Variants in MGST2 observed in about 807,000 individuals in gnomAD.
The protein encoded by MGST2 is microsomal glutathione S-transferase 2.
A neutral mutation model predicts 16.6 loss-of-function variants in MGST2; 9 were observed. The observed-to-expected ratio is 0.54, with a 90% CI of 0.33 to 0.95. MGST2 has a LOEUF of 0.95. MGST2 is among the 40% of genes least tolerant of loss of function. The probability of loss-of-function intolerance (pLI) is 0.03; values close to 1 mark genes in which losing one functional copy is unlikely to be tolerated. For missense variants in MGST2, 159 were observed against 175.1 expected (o/e 0.91, Z 0.52); for synonymous variants, 79 against 68.0 (o/e 1.16, Z -0.79).
intron 5 of MGST2, chr4:139,740,158 C>T (rs1377274927): frequency 2.0e-5 from 3 of 152,266 alleles, no homozygotes; most frequent in Admixed American, 2.0e-4. Flanking sequence ...TCTACCTGGA[C>T]AAGCCTGCTC....
intron 5 of MGST2, among the ~76,000 whole-genome samples, chr4:139,733,654 G>C (rs1403997838): frequency 6.6e-6 from 1 of 151,436 alleles, no homozygotes; most frequent in Non-Finnish European, 1.5e-5. Context: ...TCTCACTGAA[G>C]ACCTACAGGC....
rs70943436 is a variant in MGST2, at chr4:139,702,844, G to GTTTTTTTTTTTTTTTTTTT, written c.230-603_230-585dup. 9.3e-4 allele frequency among the ~76,000 whole-genome samples: 43 copies of GTTTTTTTTTTTTTTTTTTT among 46,450 alleles called. 2 individuals are homozygous for GTTTTTTTTTTTTTTTTTTT. The highest frequency in any genetic ancestry group is 1.4e-3 in the South Asian group (1 of 690). 30.5% of individuals were successfully genotyped at this position (46,450 alleles called of 152,430 possible). The stretch of plus-strand genomic sequence containing the variant: ...TCCTCACCAACATTTTGTGTTACTG[G>GTTTTTTTTTTTTTTTTTTT]TTTTTTTTTTTTTTTTTTTTTTTTT... On this transcript the variant is annotated intron_variant, in intron 3 of 4. Transcript: ENST00000265498.
At chr4:139,741,780 G>T (rs998236629), downstream of MGST2, among the ~76,000 whole-genome samples, 9 of 152,128 alleles carry the variant, frequency 5.9e-5, no homozygotes, top group African/African-American at 2.2e-4. Context: ...AGATCGGGCT[G>T]CTCTAAGTCC....
chr4:139,736,517 A>G (rs1472401401), intron 5 of MGST2, among the ~76,000 whole-genome samples: 1 of 151,888 alleles, frequency 6.6e-6, no homozygotes, highest in Non-Finnish European at 1.5e-5. Context: ...AACCATACTC[A>G]TAAGACTCCT....
At chr4:139,669,019 GC>G (rs1301087697) in intron 1 of MGST2, among the ~76,000 whole-genome samples, 1 of 152,130 alleles carries the variant, frequency 6.6e-6, no homozygotes, top group Non-Finnish European at 1.5e-5. Flanking sequence ...ATGGCAGGGG[GC>G]TTACAAAATG....
chr4:139,698,303 G>A lies in MGST2; in HGVS notation c.229+3036G>A. On this transcript the variant is annotated intron_variant, in intron 3 of 4. Coordinates refer to ENST00000265498, the MANE Select transcript of MGST2 (RefSeq NM_002413.5). ...AAGCACCGATAGCTGCGCTCTGGAA[G>A]CGCAGATCTGTTTTAAAGTCCTGAG... The A allele has an allele frequency of 2.2e-6, 3 of 1,368,752 alleles. No homozygotes were observed. In the South Asian group the frequency reaches 3.6e-5, roughly 16 times the overall value. The allele number at this position is 1,368,752 out of a possible 1,614,324, so 84.8% of individuals were successfully genotyped here. A position where few individuals can be genotyped will look rare whatever the true frequency, so the allele number is the denominator to read the frequency against.
intron 2 of MGST2, among the ~76,000 whole-genome samples, chr4:139,679,996 C>A (rs1348696288): frequency 6.6e-6 from 1 of 152,192 alleles, no homozygotes; most frequent in African/African-American, 2.4e-5. Flanking sequence ...CCTACCTCCC[C>A]TCTCCCTCTA....
chr4:139,715,775 T>G lies in MGST2; in HGVS notation c.*48+11579T>G, dbSNP rs1237287625. On this transcript the variant is annotated intron_variant, in intron 5 of 5. Coordinates refer to the MGST2 transcript ENST00000616265. The surrounding 1 kb of genome is among the most constrained non-coding windows in gnomAD (Gnocchi z 4.4). ...CCAGAGGTCACCCTCGTCGCTATTT[T>G]GGTTTTGGTGGGCTTTGGCTGGCTC... Among the ~76,000 whole-genome samples, 1 of 152,318 alleles carries G rather than the reference T, an allele frequency of 6.6e-6. No homozygotes were observed. The highest frequency in any genetic ancestry group is 2.4e-5 in the African/African-American group (1 of 41,574).
chr4:139,692,168 G>T (rs927392578), intron 2 of MGST2, among the ~76,000 whole-genome samples: 6 of 152,198 alleles, frequency 3.9e-5, no homozygotes, highest in Admixed American at 2.0e-4. Context: ...ACTTGTAGGG[G>T]ACAAAGGGCC....
chr4:139,691,855 C>T (rs140995373), intron 2 of MGST2, among the ~76,000 whole-genome samples: 8 of 152,102 alleles, frequency 5.3e-5, no homozygotes, highest in Admixed American at 2.6e-4. Flanking sequence ...CCCGCCACCA[C>T]GCCCGGCTAA....
At position 139,678,594 on chromosome 4, in the gene MGST2, C is replaced by T; in HGVS notation, c.110C>T (p.Pro37Leu). ...GCAAGATTAAAATACAAAGTTACGCCCCCAGCAGTCACTGGGTCACCAGAG... is the reference window on the plus strand; with the variant it reads ...GCAAGATTAAAATACAAAGTTACGCTCCCAGCAGTCACTGGGTCACCAGAG... ...GKARLKYKVTPPAVTGSPEFE... is the reference protein window; with the variant it reads ...GKARLKYKVTLPAVTGSPEFE... Residue 37 changes from proline (P) to leucine (L), a missense_variant, in exon 2 of 5, where the codon CCC becomes CTC. Physicochemically the swap from Pro to Leu is moderately conservative, Grantham distance 98 (BLOSUM62 -3). Coordinates refer to ENST00000265498, the MANE Select transcript of MGST2 (RefSeq NM_002413.5). The T allele has an allele frequency of 1.2e-6, 2 of 1,614,088 alleles. No homozygotes were observed. Among genetic ancestry groups the T allele is most frequent in the Non-Finnish European group, 1.7e-6 (2 of 1,179,980 alleles).
chr4:139,703,151 C>T (rs1727365013), intron 3 of MGST2, among the ~76,000 whole-genome samples: 1 of 151,694 alleles, frequency 6.6e-6, no homozygotes, highest in Non-Finnish European at 1.5e-5. Context: ...GTCTTGAACT[C>T]CTGACCTCAA....
At chr4:139,739,224 G>A (rs1729069282) in intron 5 of MGST2, among the ~76,000 whole-genome samples, 1 of 152,190 alleles carries the variant, frequency 6.6e-6, no homozygotes, top group Non-Finnish European at 1.5e-5. Context: ...CTCCTGAGCT[G>A]ACCCTCTGCT....
In MGST2 at chr4:139,713,833, C is replaced by T. The variant is rs147110841; in HGVS notation, c.*48+9637C>T. On this transcript the variant is annotated intron_variant, in intron 5 of 5. Coordinates refer to the MGST2 transcript ENST00000616265. ...CAGATATGAAACCAGAAATGGTAGG[C>T]GGGGAAATCGAACCCTGGCTACCAA... Among the ~76,000 whole-genome samples the T allele has an allele frequency of 1.1e-3, 171 of 152,206 alleles. 1 individual carries two copies. The East Asian group carries it at 0.015, about 14-fold the overall frequency.
intron 5 of MGST2, among the ~76,000 whole-genome samples, chr4:139,733,977 C>T (rs1691908695): frequency 6.6e-6 from 1 of 152,240 alleles, no homozygotes; most frequent in Non-Finnish European, 1.5e-5. Flanking sequence ...CAAGCATGAG[C>T]CACTGCTCCC....
chr4:139,692,553 C>T (rs551895428), intron 2 of MGST2, among the ~76,000 whole-genome samples: 4 of 152,306 alleles, frequency 2.6e-5, no homozygotes, highest in Non-Finnish European at 2.9e-5. Context: ...TGACTCTCCC[C>T]GACTTTGTCT....
intron 2 of MGST2, among the ~76,000 whole-genome samples, chr4:139,694,188 T>A (rs1726782174): frequency 6.6e-6 from 1 of 152,064 alleles, no homozygotes; most frequent in Non-Finnish European, 1.5e-5. Context: ...TTATGCTTTT[T>A]TTTTTTTTTA....
intron 2 of MGST2, among the ~76,000 whole-genome samples, chr4:139,689,270 G>A (rs1560746069): frequency 6.6e-6 from 1 of 152,092 alleles, no homozygotes; most frequent in Non-Finnish European, 1.5e-5. Flanking sequence ...GGGAGGTGGA[G>A]GAACTGCAAA....
chr4:139,748,203 A>G, the MGST2 span, among the ~76,000 whole-genome samples: 1 of 152,104 alleles, frequency 6.6e-6, no homozygotes, highest in Non-Finnish European at 1.5e-5. Flanking sequence ...ATCTCTTTAC[A>G]TTGTCCAGGG....
Sources: allele counts gnomAD v4.1 joint callset (sites outside exome capture counted in the v4.1 genomes callset), GRCh38; gene constraint gnomAD v4.1.1; non-coding constraint Gnocchi (gnomAD v3.1); transcripts MANE v1.5; gene names NCBI Gene and HGNC (gene_info 2026-07-23, HGNC 2026-07-21).